The following QSOX1 variants were observed in gnomAD, a reference collection of about 807,000 sequenced individuals.
QSOX1 encodes quiescin sulfhydryl oxidase 1.
In QSOX1, 40 loss-of-function variants were observed where a neutral mutation model predicts 76.1. The observed-to-expected ratio is 0.53, with a 90% CI of 0.41 to 0.68. The LOEUF (loss-of-function observed/expected upper bound fraction) is 0.68. QSOX1 is among the 30% of genes least tolerant of loss of function. QSOX1 has a pLI of 0.00. For missense variants in QSOX1, 931 were observed against 974.3 expected (o/e 0.96, Z 0.59); for synonymous variants, 392 against 413.1 (o/e 0.95, Z 0.62).
rs773769755 is a variant in QSOX1, at chr1:180,198,290, G to T, written c.*1253G>T. The T allele has an allele frequency of 2.0e-5, 9 of 456,498 alleles. No homozygotes were observed. Among genetic ancestry groups the T allele is most frequent in the South Asian group, 6.2e-5 (4 of 64,560 alleles). The allele number at this position is 456,498 out of a possible 1,614,324, so 28.3% of individuals were successfully genotyped here. ...CTGAGAGCTCCTGCCTCAGTGCCCT[G>T]GGCTGGTGAGGGAGAAGCCTGTCTG... On this transcript the variant is annotated 3_prime_UTR_variant, in exon 12 of 12. Coordinates refer to ENST00000367602, the MANE Select transcript of QSOX1 (RefSeq NM_002826.5).
At chr1:180,155,216 G>A in intron 1 of QSOX1, 44 bp downstream of exon 1, 1 of 1,428,598 alleles carries the variant, frequency 7.0e-7, no homozygotes, top group Non-Finnish European at 9.1e-7. Flanking sequence ...CCGCCGCCCG[G>A]ACCCCTCCAC....
intron 6 of QSOX1, among the ~76,000 whole-genome samples, chr1:180,183,546 T>G (rs1248388814): frequency 6.6e-6 from 1 of 152,002 alleles, no homozygotes; most frequent in Non-Finnish European, 1.5e-5. Flanking sequence ...AATCTCGGGG[T>G]CCTTGGGGAA....
chr1:180,156,108 G>A (rs1043921569), intron 1 of QSOX1, among the ~76,000 whole-genome samples: 8 of 152,186 alleles, frequency 5.3e-5, no homozygotes, highest in African/African-American at 1.9e-4. Context: ...AGGAAATATG[G>A]TAATAATAGT....
chr1:180,160,990 A>G (rs1452271330), intron 1 of QSOX1, among the ~76,000 whole-genome samples: 1 of 152,182 alleles, frequency 6.6e-6, no homozygotes, highest in African/African-American at 2.4e-5. Context: ...CAACAAGGCT[A>G]CAATCTAATA....
At chr1:180,163,280 C>T (rs940099062) in intron 1 of QSOX1, among the ~76,000 whole-genome samples, 1 of 152,176 alleles carries the variant, frequency 6.6e-6, no homozygotes, top group Non-Finnish European at 1.5e-5. Flanking sequence ...TACTTTAGAA[C>T]AAAATGACTC....
rs1663535196 is a variant in QSOX1, at chr1:180,197,671, T to C, written c.*634T>C. 2 of 403,606 alleles carry C rather than the reference T, an allele frequency of 5.0e-6. No homozygotes were observed. Among genetic ancestry groups the C allele is most frequent in the Admixed American group, 7.6e-5 (2 of 26,318 alleles). The allele number at this position is 403,606 out of a possible 1,614,324, so 25.0% of individuals were successfully genotyped here. A position where few individuals can be genotyped will look rare whatever the true frequency, so the allele number is the denominator to read the frequency against. ...GAGGCAAGCCATGGTTGCTGGGCTG[T>C]AGGGTGAGTGGCTTGCTTGGTGGGA... On this transcript the variant is annotated 3_prime_UTR_variant, in exon 12 of 12. Coordinates refer to ENST00000367602, the MANE Select transcript of QSOX1 (RefSeq NM_002826.5).
intron 1 of QSOX1, among the ~76,000 whole-genome samples, chr1:180,157,341 G>A (rs1175465184): frequency 1.3e-5 from 2 of 152,196 alleles, no homozygotes; most frequent in Admixed American, 6.5e-5. Context: ...TAACCCAAAG[G>A]GGTGTTCCCT....
At chr1:180,184,748 G>T (rs1316617372) in intron 7 of QSOX1, among the ~76,000 whole-genome samples, 2 of 152,190 alleles carry the variant, frequency 1.3e-5, no homozygotes, top group African/African-American at 4.8e-5. Flanking sequence ...CCAGGACGGT[G>T]CCCCTCACAA....
Position 180,193,110 on chromosome 1 carries a change from T to A in QSOX1, c.1289-1103T>A, listed in dbSNP as rs568048778. 8.0e-4 allele frequency among the ~76,000 whole-genome samples: 122 copies of A among 152,080 alleles called. 2 individuals are homozygous for A. The highest frequency in any genetic ancestry group is 4.2e-3 in the South Asian group (20 of 4,804). On this transcript the variant is annotated intron_variant, in intron 10 of 11. Transcript: ENST00000367602. ...AGACCAGGAGGCAAGATTCTGGAGATAATGAGCAGGAACTGGGGCATGACT... is the reference window on the plus strand; with the variant it reads ...AGACCAGGAGGCAAGATTCTGGAGAAAATGAGCAGGAACTGGGGCATGACT...
intron 1 of QSOX1, among the ~76,000 whole-genome samples, chr1:180,159,355 C>T (rs1461151998): frequency 1.3e-5 from 2 of 152,224 alleles, no homozygotes; most frequent in Admixed American, 6.5e-5. Flanking sequence ...CTCTGCATTG[C>T]GTTGACAGTA....
intron 10 of QSOX1, among the ~76,000 whole-genome samples, chr1:180,192,606 C>A (rs764291367): frequency 1.3e-5 from 2 of 152,004 alleles, no homozygotes; most frequent in African/African-American, 4.8e-5. Context: ...AAGCAGGACT[C>A]GGGTGGACTC....
chr1:180,175,476 G>A, intron 3 of QSOX1, 110 bp downstream of exon 3: 1 of 1,192,886 alleles, frequency 8.4e-7, no homozygotes, highest in Non-Finnish European at 1.3e-6. Context: ...AGGGTCGAGG[G>A]TGAGGCGGTC....
chr1:180,186,969 G>T (rs1201270090), intron 8 of QSOX1, among the ~76,000 whole-genome samples: 2 of 152,234 alleles, frequency 1.3e-5, no homozygotes, highest in South Asian at 2.1e-4. Context: ...GGACTCTGCT[G>T]CTCAGTACTG....
chr1:180,190,333 G>T, intron 9 of QSOX1, 100 bp from the exon 10 acceptor site: 1 of 1,326,320 alleles, frequency 7.5e-7, no homozygotes, highest in East Asian at 2.3e-5. Context: ...TAGACTGAGG[G>T]ACCTCATTTG....
chr1:180,157,362 T>C (rs944105323), intron 1 of QSOX1, among the ~76,000 whole-genome samples: 1 of 152,222 alleles, frequency 6.6e-6, no homozygotes, highest in Non-Finnish European at 1.5e-5. Context: ...GGTGAGGCCC[T>C]GCTGAGAAGC....
chr1:180,166,368 C>A, intron 1 of QSOX1, 123 bp from the exon 2 acceptor site: 1 of 730,014 alleles, frequency 1.4e-6, no homozygotes, highest in South Asian at 1.6e-5. Flanking sequence ...TGACCTTTGT[C>A]ATAAGAGCTT....
In QSOX1 at chr1:180,189,652, C is replaced by T; in HGVS notation, c.1118C>T (p.Thr373Ile). The change falls in exon 9 of 12, where the codon ACT (threonine) becomes ATT (isoleucine). Residue 373 changes from threonine to isoleucine, a missense_variant. Transcript: ENST00000367602. Reference sequence around the variant, plus strand: ...AAAATTCCCTACAGTTTCTTTAAAACTGCCCTGGACGACAGGAAAGAGGTG... The same window carrying T: ...AAAATTCCCTACAGTTTCTTTAAAATTGCCCTGGACGACAGGAAAGAGGTG... ...RNKIPYSFFK[T>I]ALDDRKEGAV... The T allele has an allele frequency of 1.2e-6, 2 of 1,613,298 alleles. No homozygotes were observed. Among genetic ancestry groups the T allele is most frequent in the Non-Finnish European group, 1.7e-6 (2 of 1,179,472 alleles).
intron 5 of QSOX1, 122 bp from the exon 6 acceptor site, chr1:180,182,052 G>A: frequency 1.0e-6 from 1 of 961,122 alleles, no homozygotes; most frequent in Non-Finnish European, 1.6e-6. Context: ...CTCTTTGTGG[G>A]TTTAGAGTCT....
intron 6 of QSOX1, among the ~76,000 whole-genome samples, chr1:180,183,505 G>A (rs1663090799): frequency 6.6e-6 from 1 of 152,204 alleles, no homozygotes; most frequent in Non-Finnish European, 1.5e-5. Flanking sequence ...GTACCTCAGG[G>A]CGAGCTTATG....
Sources: allele counts gnomAD v4.1 joint callset (sites outside exome capture counted in the v4.1 genomes callset), GRCh38; gene constraint gnomAD v4.1.1; transcripts MANE v1.5; gene names NCBI Gene and HGNC (gene_info 2026-07-23, HGNC 2026-07-21).